Variants in FBXO42 observed in about 807,000 individuals in gnomAD.
FBXO42 encodes F-box protein 42.
Under a neutral mutation model 71.7 loss-of-function variants are expected in FBXO42, and 12 were observed. The ratio of observed to expected loss-of-function variants is 0.17; its 90% confidence interval spans 0.11 to 0.27. The LOEUF is 0.27. FBXO42 is among the 10% of genes least tolerant of loss of function. The pLI is 1.00. For synonymous variants in FBXO42, 325 were observed against 327.5 expected (o/e 0.99, Z 0.08); for missense variants, 707 against 911.9 (o/e 0.78, Z 2.89).
chr1:16,294,984 C>T (rs2082113977), intron 3 of FBXO42, 67 bp from the exon 4 acceptor site: 1 of 1,487,822 alleles, frequency 6.7e-7, no homozygotes, highest in South Asian at 1.4e-5. Context: ...TTAACCATAA[C>T]ATATATTTTT....
intron 1 of FBXO42, among the ~76,000 whole-genome samples, chr1:16,340,960 T>A (rs1170346785): frequency 6.6e-6 from 1 of 152,086 alleles, no homozygotes; most frequent in Non-Finnish European, 1.5e-5. Flanking sequence ...AATTTATTTA[T>A]AAAAAATCAG....
intron 2 of FBXO42, among the ~76,000 whole-genome samples, chr1:16,311,486 T>C (rs1444590078): frequency 1.0e-3 from 37 of 35,710 alleles, no homozygotes; most frequent in Non-Finnish European, 1.8e-3. Context: ...AGATCTTGTC[T>C]CAAAAAAAAA....
At position 16,323,570 on chromosome 1, in the gene FBXO42, G is replaced by A. The variant is rs569979834; in HGVS notation, c.-17-8135C>T. On this transcript the variant is annotated intron_variant, in intron 1 of 9. Transcript: ENST00000375592. ...CCAGCACTTTGGGAGGCTGAGGTGC[G>A]CGGATCTTTTGAGGTCAGGAGTTCG... 7.2e-5 allele frequency among the ~76,000 whole-genome samples: 11 copies of A among 151,792 alleles called. No homozygotes were observed. In the South Asian group the frequency reaches 8.3e-4, roughly 11 times the overall value.
chr1:16,341,208 AACATTTAAAGG>A (rs1378896563), intron 1 of FBXO42, among the ~76,000 whole-genome samples: 1 of 152,258 alleles, frequency 6.6e-6, no homozygotes, highest in Non-Finnish European at 1.5e-5. Flanking sequence ...TGCAAAATCC[AACATTTAAAGG>A]ATAAACCAAA....
Position 16,250,540 on chromosome 1 carries a change from A to T in FBXO42, c.*130T>A. Reference sequence around the variant, plus strand: ...GGAGATTTGATCCCAGCCTGGAGTGACTTCGGTTGGGAATTAAAGAGTTTT... The same window carrying T: ...GGAGATTTGATCCCAGCCTGGAGTGTCTTCGGTTGGGAATTAAAGAGTTTT... On this transcript the variant is annotated 3_prime_UTR_variant, in exon 10 of 10. Transcript: ENST00000375592. The surrounding 1 kb of genome is among the most constrained non-coding windows in gnomAD (Gnocchi z 4.7). 1.1e-6 allele frequency: 1 copy of T among 895,088 alleles called. No individual in the cohort carries two copies. Among genetic ancestry groups the T allele is most frequent in the Admixed American group, 2.7e-5 (1 of 37,276 alleles). 55.4% of individuals were successfully genotyped at this position (895,088 alleles called of 1,614,324 possible).
intron 2 of FBXO42, among the ~76,000 whole-genome samples, chr1:16,312,086 C>T (rs1378388283): frequency 2.6e-5 from 4 of 152,074 alleles, no homozygotes; most frequent in Non-Finnish European, 4.4e-5. Flanking sequence ...AAGCCGGGCA[C>T]GGTGGCTCAC....
chr1:16,322,120 T>A (rs1174908697), intron 1 of FBXO42, among the ~76,000 whole-genome samples: 2 of 152,154 alleles, frequency 1.3e-5, no homozygotes, highest in Non-Finnish European at 2.9e-5. Context: ...GATCCTACCT[T>A]TATATGTTAC....
At chr1:16,259,935 G>A (rs2081691705) in intron 4 of FBXO42, among the ~76,000 whole-genome samples, 1 of 152,140 alleles carries the variant, frequency 6.6e-6, no homozygotes, top group Non-Finnish European at 1.5e-5. Flanking sequence ...GTCACCACTG[G>A]CCACATGTTG....
At chr1:16,325,595 AG>A (rs1310023701) in intron 1 of FBXO42, among the ~76,000 whole-genome samples, 1 of 152,222 alleles carries the variant, frequency 6.6e-6, no homozygotes, top group Non-Finnish European at 1.5e-5. Flanking sequence ...TTAATAAAAC[AG>A]AAAAAATTTA....
intron 3 of FBXO42, among the ~76,000 whole-genome samples, chr1:16,300,250 C>T (rs80102185): frequency 3.1e-4 from 47 of 152,274 alleles, no homozygotes; most frequent in Middle Eastern, 6.8e-3. Flanking sequence ...CTGAGAGTGT[C>T]TATTCCAACT....
At chr1:16,269,113 T>C (rs1334107557) in intron 4 of FBXO42, among the ~76,000 whole-genome samples, 1 of 150,080 alleles carries the variant, frequency 6.7e-6, no homozygotes, top group East Asian at 2.0e-4. Flanking sequence ...CTGGCTTTTT[T>C]TTTTTTTGTG....
At chr1:16,326,278 A>G (rs1033580178) in intron 1 of FBXO42, among the ~76,000 whole-genome samples, 1 of 148,702 alleles carries the variant, frequency 6.7e-6, no homozygotes, top group Non-Finnish European at 1.5e-5. Context: ...CTGGTCTCGA[A>G]CTCCCGACCT....
chr1:16,333,438 C>A (rs982718098), intron 1 of FBXO42, among the ~76,000 whole-genome samples: 4 of 36,780 alleles, frequency 1.1e-4, no homozygotes, highest in African/African-American at 2.2e-4. Context: ...ATAGTGAGAC[C>A]CCCCCCCCCC....
chr1:16,263,539 T>C (rs1345477522), intron 4 of FBXO42, among the ~76,000 whole-genome samples: 2 of 151,636 alleles, frequency 1.3e-5, no homozygotes, highest in African/African-American at 4.8e-5. Flanking sequence ...CTGACCAACA[T>C]GGTGAAGCCC....
intron 4 of FBXO42, among the ~76,000 whole-genome samples, chr1:16,262,790 A>G (rs947964084): frequency 1.3e-5 from 2 of 151,500 alleles, no homozygotes; most frequent in Non-Finnish European, 2.9e-5. Flanking sequence ...GCTCACTGCA[A>G]CTCCGACTTC....
chr1:16,295,670 G>C (rs1240567249), intron 3 of FBXO42, among the ~76,000 whole-genome samples: 1 of 152,174 alleles, frequency 6.6e-6, no homozygotes, highest in African/African-American at 2.4e-5. Context: ...TGGGATTACA[G>C]GCATGAGCCA....
At chr1:16,347,533 A>G (rs1209149060) in intron 1 of FBXO42, among the ~76,000 whole-genome samples, 1 of 151,056 alleles carries the variant, frequency 6.6e-6, no homozygotes, top group Non-Finnish European at 1.5e-5. Flanking sequence ...AAACAAACAA[A>G]CAAACAAACA....
chr1:16,255,649 A>T, intron 6 of FBXO42, 62 bp downstream of exon 6: 1 of 1,414,126 alleles, frequency 7.1e-7, no homozygotes, highest in Non-Finnish European at 9.8e-7. Context: ...TTCACTTTTA[A>T]ACCTGTTATT....
chr1:16,277,083 A>G (rs2081911769), intron 4 of FBXO42, among the ~76,000 whole-genome samples: 1 of 152,232 alleles, frequency 6.6e-6, no homozygotes, highest in Admixed American at 6.5e-5. Context: ...AAGATCTGTG[A>G]GTAGAACTGG....
Sources: gnomAD v4.1 joint callset for allele counts (sites outside exome capture counted in the v4.1 genomes callset) on GRCh38, gnomAD v4.1.1 for gene constraint, Gnocchi (gnomAD v3.1) non-coding constraint, MANE v1.5 for transcripts, NCBI Gene and HGNC (gene_info 2026-07-23, HGNC 2026-07-21) for gene names.